The following PHLPP1 variants were observed in gnomAD, a reference collection of about 807,000 sequenced individuals.
The protein encoded by PHLPP1 is PH domain and leucine rich repeat protein phosphatase 1.
Under a neutral mutation model 117.2 loss-of-function variants are expected in PHLPP1, and 42 were observed. The ratio of observed to expected loss-of-function variants is 0.36; its 90% CI spans 0.28 to 0.46. The LOEUF (loss-of-function observed/expected upper bound fraction) is 0.46, where lower values mean the gene tolerates loss of function less well. Among genes scored for constraint, PHLPP1 ranks in the 20% least tolerant of loss-of-function variants. PHLPP1 has a pLI of 1.00. For synonymous variants in PHLPP1, 1,042 were observed against 970.7 expected (o/e 1.07, Z -1.37); for missense variants, 2,084 against 2,241.9 (o/e 0.93, Z 1.42).
chr18:62,849,014 G>C (rs1325069752), intron 3 of PHLPP1, among the ~76,000 whole-genome samples: 1 of 152,200 alleles, frequency 6.6e-6, no homozygotes, highest in Non-Finnish European at 1.5e-5. Context: ...AGAGTTGGCA[G>C]CAGAATCCAG....
At chr18:62,957,438 A>G (rs773956019) in intron 12 of PHLPP1, among the ~76,000 whole-genome samples, 2 of 151,068 alleles carry the variant, frequency 1.3e-5, no homozygotes, top group South Asian at 4.2e-4. Flanking sequence ...GGTAGGATCC[A>G]TACTTGACTC....
chr18:62,880,245 G>T (rs550717646), intron 4 of PHLPP1, among the ~76,000 whole-genome samples: 2 of 151,734 alleles, frequency 1.3e-5, no homozygotes, highest in African/African-American at 4.8e-5. Context: ...GATATGCTTA[G>T]CCTATTTGTT....
chr18:62,803,470 A>G (rs1490842582), intron 1 of PHLPP1, among the ~76,000 whole-genome samples: 3 of 152,132 alleles, frequency 2.0e-5, no homozygotes, highest in Admixed American at 1.3e-4. Context: ...GTAGCTTATC[A>G]TATGTACTCT....
At chr18:62,815,951 C>T (rs965540609) in intron 1 of PHLPP1, among the ~76,000 whole-genome samples, 1 of 152,170 alleles carries the variant, frequency 6.6e-6, no homozygotes. Flanking sequence ...TGTTAATACT[C>T]TATGGTAACC....
chr18:62,735,283 C>T (rs955144253), intron 1 of PHLPP1, among the ~76,000 whole-genome samples: 1 of 151,942 alleles, frequency 6.6e-6, no homozygotes, highest in African/African-American at 2.4e-5. Context: ...GAGGTTTTGC[C>T]ATGTTGCCCA....
rs187638919 is a variant in PHLPP1 at position 62,960,935 on chromosome 18, G to A, written c.3455+2176G>A. Among the ~76,000 whole-genome samples, 19 of 152,266 alleles carry A rather than the reference G, an allele frequency of 1.2e-4. No individual in the cohort carries two copies. In the East Asian group the frequency reaches 1.4e-3, roughly 11 times the overall value. On this transcript the variant is annotated intron_variant, in intron 13 of 16. Coordinates refer to ENST00000262719, the MANE Select transcript of PHLPP1 (RefSeq NM_194449.4). ...AGGGTTGGTTTGTTTTATGTGAGCC[G>A]ATTAAGTGCATATGAGGACTCTTCT...
At chr18:62,819,677 C>G (rs2144319942) in intron 1 of PHLPP1, among the ~76,000 whole-genome samples, 1 of 152,242 alleles carries the variant, frequency 6.6e-6, no homozygotes, top group South Asian at 2.1e-4. Flanking sequence ...CAGAATTTTA[C>G]TCTTGTTGCA....
At chr18:62,753,839 T>G (rs1308043497) in intron 1 of PHLPP1, among the ~76,000 whole-genome samples, 1 of 152,214 alleles carries the variant, frequency 6.6e-6, no homozygotes, top group African/African-American at 2.4e-5. Context: ...TTGACTGTTT[T>G]GTAAGATTTC....
chr18:62,849,826 A>ATATATAT (rs1371664083), intron 3 of PHLPP1, among the ~76,000 whole-genome samples: 13 of 33,820 alleles, frequency 3.8e-4, no homozygotes, highest in Non-Finnish European at 6.5e-4. Context: ...AAAAAAAAAA[A>ATATATAT]AAAAAAATAT....
chr18:62,746,186 T>C (rs1410054121), intron 1 of PHLPP1, among the ~76,000 whole-genome samples: 2 of 152,028 alleles, frequency 1.3e-5, no homozygotes, highest in African/African-American at 4.8e-5. Flanking sequence ...GCTGAGACTA[T>C]AGGCATGAGC....
At chr18:62,920,220 G>C (rs1160534579) in intron 10 of PHLPP1, 106 bp downstream of exon 10, 2 of 1,085,402 alleles carry the variant, frequency 1.8e-6, no homozygotes, top group Admixed American at 5.2e-5. Context: ...GTATGTATCT[G>C]TCCCAGATTT....
At chr18:62,768,565 A>C (rs1275332410) in intron 1 of PHLPP1, among the ~76,000 whole-genome samples, 1 of 152,250 alleles carries the variant, frequency 6.6e-6, no homozygotes, top group Non-Finnish European at 1.5e-5. Context: ...ATGAGAAAAT[A>C]AGTTGGAAAA....
chr18:62,891,337 C>T (rs921847545), intron 4 of PHLPP1, among the ~76,000 whole-genome samples: 8 of 152,168 alleles, frequency 5.3e-5, no homozygotes, highest in Non-Finnish European at 1.2e-4. Context: ...CCTGTAATCC[C>T]AACAGTTTGG....
intron 4 of PHLPP1, among the ~76,000 whole-genome samples, chr18:62,885,060 G>A (rs970716568): frequency 2.0e-5 from 3 of 152,118 alleles, no homozygotes; most frequent in African/African-American, 7.2e-5. Flanking sequence ...TAACTCACAT[G>A]CAAAAATAGC....
chr18:62,937,929 T>G (rs1910023581), intron 10 of PHLPP1, among the ~76,000 whole-genome samples: 1 of 152,110 alleles, frequency 6.6e-6, no homozygotes, highest in African/African-American at 2.4e-5. Context: ...GGAGAATTGC[T>G]TGAACCTGGG....
chr18:62,783,721 A>G (rs1351472750), intron 1 of PHLPP1, among the ~76,000 whole-genome samples: 1 of 151,062 alleles, frequency 6.6e-6, no homozygotes, highest in Non-Finnish European at 1.5e-5. Flanking sequence ...AATAGCTACC[A>G]GTTTATGTTT....
chr18:62,903,235 GCTT>G, intron 7 of PHLPP1, 69 bp downstream of exon 7: 1 of 1,046,030 alleles, frequency 9.6e-7, no homozygotes, highest in South Asian at 1.4e-5. Flanking sequence ...CATTATTTCT[GCTT>G]CTGATTATTC....
intron 1 of PHLPP1, among the ~76,000 whole-genome samples, chr18:62,739,372 G>A (rs1475893386): frequency 6.6e-6 from 1 of 152,176 alleles, no homozygotes; most frequent in African/African-American, 2.4e-5. Context: ...TATTGTAGTG[G>A]TTACCTTTCA....
intron 1 of PHLPP1, among the ~76,000 whole-genome samples, chr18:62,812,222 G>A (rs1387995227): frequency 3.3e-5 from 5 of 152,174 alleles, no homozygotes; most frequent in Non-Finnish European, 7.4e-5. Flanking sequence ...AAACAGTGGT[G>A]TAGATTATCC....
Sources: gnomAD v4.1 joint callset for allele counts (sites outside exome capture counted in the v4.1 genomes callset) on GRCh38, gnomAD v4.1.1 for gene constraint, MANE v1.5 for transcripts, NCBI Gene and HGNC (gene_info 2026-07-23, HGNC 2026-07-21) for gene names.